Variants in NAV3 observed in about 807,000 individuals in gnomAD.
NAV3 encodes pore membrane and/or filament interacting like protein 1.
A neutral mutation model predicts 244.7 loss-of-function variants in NAV3; 87 were observed. The observed-to-expected ratio is 0.36, with a 90% confidence interval of 0.30 to 0.42. The LOEUF (loss-of-function observed/expected upper bound fraction) is 0.42, where lower values mean the gene tolerates loss of function less well. Among genes scored for constraint, NAV3 ranks in the 20% least tolerant of loss-of-function variants. The pLI, the probability that NAV3 is intolerant of heterozygous loss-of-function variation, is 1.00. For synonymous variants in NAV3, 1,126 were observed against 1,042.2 expected (o/e 1.08, Z -1.55); for missense variants, 2,663 against 2,893.3 (o/e 0.92, Z 1.83).
intron 1 of NAV3, among the ~76,000 whole-genome samples, chr12:77,935,794 G>A (rs190564213): frequency 3.9e-4 from 59 of 152,300 alleles, no homozygotes; most frequent in African/African-American, 1.4e-3. Context: ...AGTCATGGTG[G>A]AAGGTGAAGG....
At chr12:78,041,440 C>T (rs977250866) in intron 9 of NAV3, among the ~76,000 whole-genome samples, 1 of 152,074 alleles carries the variant, frequency 6.6e-6, no homozygotes, top group East Asian at 1.9e-4. Context: ...AGGAATTAGC[C>T]GTTGTGTTGC....
chr12:77,645,841 G>T, intron 2 of NAV3, among the ~76,000 whole-genome samples: 1 of 151,962 alleles, frequency 6.6e-6, no homozygotes, highest in East Asian at 1.9e-4. Context: ...TCAGTTTTGA[G>T]GAGGAGTTTC....
intron 3 of NAV3, among the ~76,000 whole-genome samples, chr12:77,951,349 G>A (rs1231312727): frequency 6.6e-6 from 1 of 152,164 alleles, no homozygotes; most frequent in Non-Finnish European, 1.5e-5. Flanking sequence ...TCAGAGAAAT[G>A]CAAACCAAAA....
chr12:77,886,594 A>G (rs1883316328), intron 1 of NAV3, among the ~76,000 whole-genome samples: 1 of 152,138 alleles, frequency 6.6e-6, no homozygotes, highest in Non-Finnish European at 1.5e-5. Flanking sequence ...ATCTTTCTCA[A>G]GGATGTAGAT....
At chr12:77,836,764 A>G (rs1251687597) in intron 1 of NAV3, among the ~76,000 whole-genome samples, 1 of 152,190 alleles carries the variant, frequency 6.6e-6, no homozygotes, top group Non-Finnish European at 1.5e-5. Flanking sequence ...AGGTCAAATA[A>G]AAGTATAGAC....
chr12:77,625,029 A>G (rs909042887), intron 2 of NAV3, among the ~76,000 whole-genome samples: 26 of 152,338 alleles, frequency 1.7e-4, no homozygotes, highest in African/African-American at 6.0e-4. Flanking sequence ...CTGTGTAACA[A>G]AGCACACATC....
chr12:77,585,350 T>C (rs1247091288), intron 2 of NAV3, among the ~76,000 whole-genome samples: 1 of 152,146 alleles, frequency 6.6e-6, no homozygotes, highest in Non-Finnish European at 1.5e-5. Context: ...TCTTTTCTAC[T>C]CTCAAACACA....
At chr12:77,867,373 T>C (rs1033272990) in intron 1 of NAV3, among the ~76,000 whole-genome samples, 3 of 152,152 alleles carry the variant, frequency 2.0e-5, no homozygotes, top group African/African-American at 7.2e-5. Context: ...AACCTCTTTT[T>C]CTTTATAAAT....
chr12:77,888,170 C>CT lies in NAV3; in HGVS notation c.244-52148dup, dbSNP rs536077642. On this transcript the variant is annotated intron_variant, in intron 1 of 39. Transcript: ENST00000397909. ...TAAATGTACATTTTAAACCCATACTCTAACTAAAGTGGTTATCATTGTATA... is the reference window on the plus strand; with the variant it reads ...TAAATGTACATTTTAAACCCATACTCTTAACTAAAGTGGTTATCATTGTATA... Among the ~76,000 whole-genome samples, 248 of 152,094 alleles carry CT rather than the reference C, an allele frequency of 1.6e-3. 2 individuals carry two copies. The highest frequency in any genetic ancestry group is 5.7e-3 in the African/African-American group (235 of 41,510).
chr12:78,189,881 T>C, intron 33 of NAV3, 103 bp from the exon 34 acceptor site: 1 of 821,940 alleles, frequency 1.2e-6, no homozygotes, highest in Non-Finnish European at 1.9e-6. Context: ...TTTCAAGGAC[T>C]CTATTCCTAT....
chr12:78,009,987 G>A (rs1411760213), intron 8 of NAV3, among the ~76,000 whole-genome samples: 3 of 152,104 alleles, frequency 2.0e-5, no homozygotes, highest in Non-Finnish European at 2.9e-5. Flanking sequence ...GGCCAAGGTG[G>A]GAGGATGACT....
chr12:77,814,429 GAAAT>G (rs1872443902), intron 2 of NAV3, among the ~76,000 whole-genome samples: 1 of 152,220 alleles, frequency 6.6e-6, no homozygotes, highest in Admixed American at 6.5e-5. Context: ...AATTAAAAGA[GAAAT>G]AAATAAAGCC....
At chr12:77,663,465 C>T (rs994329699) in intron 2 of NAV3, among the ~76,000 whole-genome samples, 1 of 151,194 alleles carries the variant, frequency 6.6e-6, no homozygotes, top group Non-Finnish European at 1.5e-5. Context: ...CTAACTTTTT[C>T]GACTATGAGT....
At chr12:77,681,198 A>C (rs2137115653) in intron 2 of NAV3, among the ~76,000 whole-genome samples, 1 of 152,308 alleles carries the variant, frequency 6.6e-6, no homozygotes, top group African/African-American at 2.4e-5. Flanking sequence ...TAAGTTCTCC[A>C]ACTTACTTCA....
intron 2 of NAV3, among the ~76,000 whole-genome samples, chr12:77,785,723 G>A (rs11106690): frequency 0.4 from 60,124 of 152,008 alleles, 12,301 homozygotes; most frequent in East Asian, 0.49. Flanking sequence ...TAATATTCTC[G>A]GAGTGGTGGT....
At chr12:77,645,984 A>G (rs990190917) in intron 2 of NAV3, among the ~76,000 whole-genome samples, 2 of 152,072 alleles carry the variant, frequency 1.3e-5, no homozygotes, top group African/African-American at 4.8e-5. Context: ...GGATTACTAG[A>G]TTTTATCAAA....
rs1593697146 is a variant in NAV3 at position 78,127,314 on chromosome 12, A to G, written c.4280+106A>G. 2.7e-5 allele frequency: 30 copies of G among 1,129,182 alleles called. No homozygotes were observed. In the East Asian group the frequency reaches 7.2e-4, roughly 27 times the overall value. 69.9% of individuals were successfully genotyped at this position (1,129,182 alleles called of 1,614,324 possible). A position where few individuals can be genotyped will look rare whatever the true frequency, so the allele number is the denominator to read the frequency against. ...GTTTGCAATGTAGCACATGACATTGAGGACGAAATCACTTTTAATTTTGAT... is the reference window on the plus strand; with the variant it reads ...GTTTGCAATGTAGCACATGACATTGGGGACGAAATCACTTTTAATTTTGAT... On this transcript the variant is annotated intron_variant, in intron 17 of 39. Coordinates refer to ENST00000397909, the MANE Select transcript of NAV3 (RefSeq NM_001024383.2).
intron 1 of NAV3, among the ~76,000 whole-genome samples, chr12:77,888,122 GC>G (rs1883510475): frequency 6.6e-6 from 1 of 151,632 alleles, no homozygotes; most frequent in African/African-American, 2.4e-5. Context: ...CCATGGGTTT[GC>G]AAAAGATTTA....
chr12:78,119,862 C>T lies in NAV3; in HGVS notation c.3666C>T (p.Pro1222=), dbSNP rs748290820. 8 of 1,614,158 alleles carry T rather than the reference C, an allele frequency of 5.0e-6. No individual in the cohort carries two copies. Among genetic ancestry groups the T allele is most frequent in the African/African-American group, 2.7e-5 (2 of 75,030 alleles). The part of the protein sequence containing the change: ...VSLSGSPKSS[P]TSASACGAQG... ...TGTCAGGTTCCCCCAAATCCAGCCCCACCTCTGCCAGCGCCTGTGGTGCAC... is the reference window on the plus strand; with the variant it reads ...TGTCAGGTTCCCCCAAATCCAGCCCTACCTCTGCCAGCGCCTGTGGTGCAC... The change falls in exon 15 of 40, where the codon CCC becomes CCT. Residue 1222 remains proline (P), a synonymous_variant. Transcript: ENST00000397909.
Sources: allele counts gnomAD v4.1 joint callset (sites outside exome capture counted in the v4.1 genomes callset), GRCh38; gene constraint gnomAD v4.1.1; transcripts MANE v1.5; gene names NCBI Gene and HGNC (gene_info 2026-07-23, HGNC 2026-07-21).